Variants in MDGA2 observed in about 807,000 individuals in gnomAD.
MDGA2 encodes MAM domain-containing glycosylphosphatidylinositol anchor protein 2.
Under a neutral mutation model 117.8 loss-of-function variants are expected in MDGA2, and 40 were observed. The ratio of observed to expected loss-of-function variants is 0.34; its 90% CI spans 0.26 to 0.44. The LOEUF is 0.44. Among genes scored for constraint, MDGA2 ranks in the 20% least tolerant of loss-of-function variants. The pLI is 1.00. For synonymous variants in MDGA2, 452 were observed against 439.0 expected (o/e 1.03, Z -0.37); for missense variants, 1,123 against 1,250.6 (o/e 0.90, Z 1.54).
At chr14:47,532,087 G>A (rs967668112) in intron 1 of MDGA2, among the ~76,000 whole-genome samples, 2 of 152,170 alleles carry the variant, frequency 1.3e-5, no homozygotes, top group Non-Finnish European at 2.9e-5. Flanking sequence ...GAGGCTAACA[G>A]TGCAAAGTGA....
chr14:47,473,984 A>T (rs1248480630), intron 1 of MDGA2, among the ~76,000 whole-genome samples: 2 of 152,214 alleles, frequency 1.3e-5, no homozygotes, highest in Non-Finnish European at 1.5e-5. Flanking sequence ...TGGCCAGGGC[A>T]GTTAGCCAAG....
At chr14:47,029,063 G>A (rs911614752) in intron 8 of MDGA2, among the ~76,000 whole-genome samples, 6 of 152,054 alleles carry the variant, frequency 3.9e-5, no homozygotes, top group South Asian at 2.1e-4. Context: ...CTATCTCAAC[G>A]CTACAGAATA....
intron 1 of MDGA2, among the ~76,000 whole-genome samples, chr14:47,361,670 C>G (rs1434832809): frequency 6.6e-6 from 1 of 151,972 alleles, no homozygotes; most frequent in Non-Finnish European, 1.5e-5. Context: ...TTTCCTTACC[C>G]TTAAAAATAA....
chr14:47,432,834 T>A (rs1269349391), intron 1 of MDGA2, among the ~76,000 whole-genome samples: 1 of 152,244 alleles, frequency 6.6e-6, no homozygotes, highest in East Asian at 1.9e-4. Flanking sequence ...TTTTGTTGGA[T>A]GATCTAGGTA....
intron 3 of MDGA2, among the ~76,000 whole-genome samples, chr14:47,169,475 A>G (rs998306338): frequency 1.3e-5 from 2 of 151,900 alleles, no homozygotes; most frequent in African/African-American, 4.8e-5. Context: ...TTCTCAAAAT[A>G]TATCATGTTG....
chr14:46,930,409 C>G (rs999809795), intron 9 of MDGA2, among the ~76,000 whole-genome samples: 1 of 151,622 alleles, frequency 6.6e-6, no homozygotes, highest in Non-Finnish European at 1.5e-5. Flanking sequence ...CTTTCATATA[C>G]CAACATCAGT....
intron 8 of MDGA2, among the ~76,000 whole-genome samples, chr14:46,975,923 C>T (rs1886441827): frequency 6.6e-6 from 1 of 152,046 alleles, no homozygotes; most frequent in Admixed American, 6.6e-5. Context: ...AGGCACTAAT[C>T]CGATTCTTTA....
At chr14:47,620,453 A>G (rs1897028921) in intron 1 of MDGA2, among the ~76,000 whole-genome samples, 1 of 152,244 alleles carries the variant, frequency 6.6e-6, no homozygotes, top group South Asian at 2.1e-4. Flanking sequence ...TTTTTAAATC[A>G]TAAAGATTTG....
chr14:47,369,697 A>T (rs182028159), intron 1 of MDGA2, among the ~76,000 whole-genome samples: 55 of 152,280 alleles, frequency 3.6e-4, no homozygotes, highest in East Asian at 3.1e-3. Context: ...TTTCCCATCA[A>T]TATAGTGGTC....
intron 9 of MDGA2, among the ~76,000 whole-genome samples, chr14:46,951,841 AT>A (rs1435866388): frequency 6.6e-6 from 1 of 152,022 alleles, no homozygotes; most frequent in Non-Finnish European, 1.5e-5. Flanking sequence ...CTGTGAGACA[AT>A]AAATATGTTA....
At chr14:46,958,480 TC>T (rs200486008) in intron 8 of MDGA2, among the ~76,000 whole-genome samples, 17,172 of 151,240 alleles carry the variant, frequency 0.11, 1,785 homozygotes, top group African/African-American at 0.26. Flanking sequence ...ATAATTTTTT[TC>T]TTTGGAAAAA....
chr14:47,153,830 C>G (rs72680217), intron 3 of MDGA2, among the ~76,000 whole-genome samples: 1,575 of 151,836 alleles, frequency 0.01, 12 homozygotes, highest in Non-Finnish European at 0.016. Flanking sequence ...ACTTCCACAG[C>G]CATGGAGAGG....
rs182449724 is a variant in MDGA2 at position 47,594,800 on chromosome 14, T to C, written c.280+79717A>G. 6.8e-3 allele frequency among the ~76,000 whole-genome samples: 1,037 copies of C among 152,332 alleles called. 6 individuals are homozygous for C. Among genetic ancestry groups the C allele is most frequent in the Non-Finnish European group, 9.8e-3 (667 of 68,024 alleles). On this transcript the variant is annotated intron_variant, in intron 1 of 16. Coordinates refer to ENST00000399232, the MANE Select transcript of MDGA2 (RefSeq NM_001113498.3). ...TGAGTGCCAACTGTGTAACCAGAAC[T>C]GTGCTAGATGCTGGTGATCAAATGG...
chr14:47,149,446 A>C (rs1328239042), intron 3 of MDGA2, among the ~76,000 whole-genome samples: 1 of 152,200 alleles, frequency 6.6e-6, no homozygotes, highest in Admixed American at 6.5e-5. Flanking sequence ...ACATTTGCCT[A>C]CAGAGGACAG....
chr14:47,063,568 T>C (rs1297104603), intron 6 of MDGA2, among the ~76,000 whole-genome samples: 1 of 151,980 alleles, frequency 6.6e-6, no homozygotes, highest in African/African-American at 2.4e-5. Flanking sequence ...AAGCAAATCA[T>C]ATGAGTATAA....
intron 8 of MDGA2, chr14:46,997,061 A>T (rs1887321379): frequency 4.1e-6 from 1 of 244,276 alleles, no homozygotes. Flanking sequence ...AGCTTTCAGG[A>T]TCTTAAGAAA....
chr14:47,332,372 T>A (rs1890317266), intron 1 of MDGA2, among the ~76,000 whole-genome samples: 2 of 152,096 alleles, frequency 1.3e-5, no homozygotes, highest in East Asian at 3.9e-4. Flanking sequence ...AATTCAGACA[T>A]GCTGTTGAAT....
intron 8 of MDGA2, among the ~76,000 whole-genome samples, chr14:47,029,710 A>G (rs563850161): frequency 1.3e-5 from 2 of 152,310 alleles, no homozygotes; most frequent in South Asian, 2.1e-4. Context: ...GTTATAGTTT[A>G]TCAAATTAAA....
intron 1 of MDGA2, among the ~76,000 whole-genome samples, chr14:47,660,536 G>A (rs1370355593): frequency 1.3e-5 from 2 of 152,184 alleles, no homozygotes; most frequent in East Asian, 1.9e-4. Flanking sequence ...GGCAGAGCTC[G>A]CAATCAACTG....
Sources: allele counts gnomAD v4.1 joint callset (sites outside exome capture counted in the v4.1 genomes callset), GRCh38; gene constraint gnomAD v4.1.1; transcripts MANE v1.5; gene names NCBI Gene and HGNC (gene_info 2026-07-23, HGNC 2026-07-21).